Variants in PGS1 observed in about 807,000 individuals in gnomAD.
The protein encoded by PGS1 is CDP-diacylglycerol--glycerol-3-phosphate 3-phosphatidyltransferase, mitochondrial.
A neutral mutation model predicts 58.3 loss-of-function variants in PGS1; 44 were observed. The ratio of observed to expected loss-of-function variants is 0.75; its 90% CI spans 0.59 to 0.97. The LOEUF is 0.97. Ranked by LOEUF, PGS1 falls within the 50% of genes least tolerant of loss-of-function variation. The pLI is 0.00. For missense variants in PGS1, 684 were observed against 731.1 expected (o/e 0.94, Z 0.74); for synonymous variants, 330 against 311.0 (o/e 1.06, Z -0.64).
chr17:78,403,787 T>C lies in PGS1; in HGVS notation c.1100T>C (p.Ile367Thr), dbSNP rs771049500. Residue 367 changes from isoleucine (I) to threonine (T), a missense_variant, in exon 7 of 10, where the codon ATT (isoleucine) becomes ACT (threonine). By Grantham distance (89) the Ile-to-Thr change is moderately conservative. Coordinates refer to ENST00000262764, the MANE Select transcript of PGS1 (RefSeq NM_024419.5). ...MKPFEIQIDE[I>T]VTETLLTEAE... ...CCCTTCGAGATTCAAATCGATGAGATTGTCACTGAGACCCTGTTGACTGAG... is the reference window on the plus strand; with the variant it reads ...CCCTTCGAGATTCAAATCGATGAGACTGTCACTGAGACCCTGTTGACTGAG... 6.2e-7 allele frequency: 1 copy of C among 1,614,188 alleles called. No individual in the cohort carries two copies.
At chr17:78,379,784 G>C (rs1404421417) in intron 1 of PGS1, among the ~76,000 whole-genome samples, 1 of 150,132 alleles carries the variant, frequency 6.7e-6, no homozygotes, top group African/African-American at 2.4e-5. Flanking sequence ...AGCCAAGATT[G>C]CCTCATTGCA....
At position 78,403,565 on chromosome 17, in the gene PGS1, C is replaced by G. The variant is rs1292738709; in HGVS notation, c.881-3C>G. ...CTTCACTCTTCTTTCACGTCTTCCCCAGGGGACCGGGCCGAGTACTGCAAG... is the reference window on the plus strand; with the variant it reads ...CTTCACTCTTCTTTCACGTCTTCCCGAGGGGACCGGGCCGAGTACTGCAAG... On this transcript the variant is annotated splice_polypyrimidine_tract_variant and splice_region_variant and intron_variant, in intron 6 of 9. Transcript: ENST00000262764. 5 of 1,607,520 alleles carry G rather than the reference C, an allele frequency of 3.1e-6. No individual in the cohort carries two copies. The highest frequency in any genetic ancestry group is 4.3e-6 in the Non-Finnish European group (5 of 1,174,648).
intron 9 of PGS1, chr17:78,423,845 C>T (rs746767108): frequency 9.9e-5 from 158 of 1,592,896 alleles, no homozygotes; most frequent in Middle Eastern, 1.7e-4. Context: ...CACAGGTGCA[C>T]AGGTGAAGGG....
intron 7 of PGS1, among the ~76,000 whole-genome samples, chr17:78,404,359 G>A (rs560340342): frequency 1.1e-4 from 16 of 145,614 alleles, no homozygotes; most frequent in East Asian, 6.2e-4. Context: ...TCAGTTCACC[G>A]CAACCTCCAC....
chr17:78,379,195 C>T (rs1047571947), intron 1 of PGS1, among the ~76,000 whole-genome samples: 2 of 152,142 alleles, frequency 1.3e-5, no homozygotes, highest in Non-Finnish European at 2.9e-5. Flanking sequence ...TGGTTTCGGC[C>T]CCAGGATGTG....
At chr17:78,419,968 G>A (rs2085554297) in intron 9 of PGS1, 2 of 1,181,628 alleles carry the variant, frequency 1.7e-6, no homozygotes, top group South Asian at 1.7e-5. Context: ...CTTCCCAGGG[G>A]GTCCTGAAGA....
chr17:78,414,112 C>T (rs1161857651), intron 7 of PGS1, among the ~76,000 whole-genome samples: 1 of 152,234 alleles, frequency 6.6e-6, no homozygotes, highest in Non-Finnish European at 1.5e-5. Context: ...GGTCCCAGGC[C>T]TGGACCCCCT....
Position 78,402,587 on chromosome 17 carries a change from A to G in PGS1, c.881-981A>G, listed in dbSNP as rs1183207555. Reference sequence around the variant, plus strand: ...CTCAGCTGCCCGAGTAGCTGGGGTTACAGGCACACAACACCACACCTGGCT... The same window carrying G: ...CTCAGCTGCCCGAGTAGCTGGGGTTGCAGGCACACAACACCACACCTGGCT... On this transcript the variant is annotated intron_variant, in intron 6 of 9. Coordinates refer to ENST00000262764, the MANE Select transcript of PGS1 (RefSeq NM_024419.5). 2.0e-5 allele frequency among the ~76,000 whole-genome samples: 3 copies of G among 152,216 alleles called. No individual in the cohort carries two copies. The East Asian group carries it at 5.8e-4, about 29-fold the overall frequency.
At chr17:78,379,618 GAGTT>G (rs1483387319) in intron 1 of PGS1, among the ~76,000 whole-genome samples, 1 of 152,054 alleles carries the variant, frequency 6.6e-6, no homozygotes, top group African/African-American at 2.4e-5. Context: ...CTGAGGTCAG[GAGTT>G]TAAGACCAGC....
rs2083542490 is a variant in PGS1, at chr17:78,400,161, G to C, written c.702-516G>C. 1 of 177,822 alleles carries C rather than the reference G, an allele frequency of 5.6e-6. No homozygotes were observed. Among genetic ancestry groups the C allele is most frequent in the Admixed American group, 5.6e-5 (1 of 17,778 alleles). 11.0% of individuals were successfully genotyped at this position (177,822 alleles called of 1,614,324 possible). ...ACATTTTGGGAGGCTGAGGCAGAGGGATCACCTGACGTTAGAAGTTCAAGA... is the reference window on the plus strand; with the variant it reads ...ACATTTTGGGAGGCTGAGGCAGAGGCATCACCTGACGTTAGAAGTTCAAGA... On this transcript the variant is annotated intron_variant, in intron 5 of 9. Transcript: ENST00000262764. The surrounding 1 kb of genome is among the most constrained non-coding windows in gnomAD (Gnocchi z 4.4).
chr17:78,400,742 C>T lies in PGS1; in HGVS notation c.767C>T (p.Ala256Val), dbSNP rs370134635. ...CGCTACGTGTTCCTGCAGGACTGTGCGGAGATTGCCGACTTCTTCACGGAG... is the reference window on the plus strand; with the variant it reads ...CGCTACGTGTTCCTGCAGGACTGTGTGGAGATTGCCGACTTCTTCACGGAG... ...QDRYVFLQDCAEIADFFTELV... is the reference protein window; with the variant it reads ...QDRYVFLQDCVEIADFFTELV... The change falls in exon 6 of 10, where the codon GCG becomes GTG. Residue 256 changes from alanine to valine, a missense_variant. Physicochemically the swap from Ala to Val is moderately conservative, Grantham distance 64. Coordinates refer to ENST00000262764, the MANE Select transcript of PGS1 (RefSeq NM_024419.5). This position sits in a 1 kb window ranked among gnomAD's most constrained non-coding sequence, Gnocchi z 4.4. The T allele has an allele frequency of 9.3e-6, 15 of 1,613,840 alleles. No individual in the cohort carries two copies. Among genetic ancestry groups the T allele is most frequent in the Middle Eastern group, 1.6e-4 (1 of 6,082 alleles).
At chr17:78,401,589 C>A (rs2083667791) in intron 6 of PGS1, among the ~76,000 whole-genome samples, 1 of 152,094 alleles carries the variant, frequency 6.6e-6, no homozygotes, top group Admixed American at 6.6e-5. Context: ...GAAGTTGGAA[C>A]TTGTTGGGAG....
intron 8 of PGS1, among the ~76,000 whole-genome samples, chr17:78,418,304 G>A (rs1540773): frequency 0.77 from 116,576 of 152,022 alleles, 45,845 homozygotes; most frequent in East Asian, 0.97. Flanking sequence ...TAAGAAAAAC[G>A]GAAAGAAACT....
rs1216280418 is a variant in PGS1, at chr17:78,378,788, C to G, written c.123C>G (p.Asn41Lys). 6.8e-7 allele frequency: 1 copy of G among 1,479,248 alleles called. No homozygotes were observed. Among genetic ancestry groups the G allele is most frequent in the Non-Finnish European group, 8.9e-7 (1 of 1,122,358 alleles). 91.6% of individuals were successfully genotyped at this position (1,479,248 alleles called of 1,614,324 possible). A position where few individuals can be genotyped will look rare whatever the true frequency, so the allele number is the denominator to read the frequency against. Residue 41 changes from asparagine (N) to lysine (K), a missense_variant, in exon 1 of 10, where the codon AAC (asparagine) becomes AAG (lysine). Transcript: ENST00000262764. Reference sequence around the variant, plus strand: ...GCCTGTCCGACCGCCTCGGCAGGAACCGGGACCGCCAGCGCAGGAGGTGAG... The same window carrying G: ...GCCTGTCCGACCGCCTCGGCAGGAAGCGGGACCGCCAGCGCAGGAGGTGAG... ...LGRLSDRLGR[N>K]RDRQRRRSPW... is the part of the protein sequence containing the mutation.
At chr17:78,420,210 A>G (rs2085587013) in intron 9 of PGS1, 4 of 998,440 alleles carry the variant, frequency 4.0e-6, no homozygotes, top group Non-Finnish European at 4.8e-6. Context: ...TGCTGCGGTT[A>G]CAGAGCTGCG....
chr17:78,407,257 C>G (rs1441360925), intron 7 of PGS1, among the ~76,000 whole-genome samples: 1 of 152,170 alleles, frequency 6.6e-6, no homozygotes, highest in Non-Finnish European at 1.5e-5. Flanking sequence ...GGGCTTCACC[C>G]TAAAGCCAGG....
intron 9 of PGS1, among the ~76,000 whole-genome samples, chr17:78,422,955 G>C (rs920054732): frequency 1.3e-5 from 2 of 152,162 alleles, no homozygotes; most frequent in South Asian, 2.1e-4. Context: ...AATTAGCTGC[G>C]TGTGGTGGTG....
chr17:78,406,976 A>G (rs2084204339), intron 7 of PGS1, among the ~76,000 whole-genome samples: 1 of 152,248 alleles, frequency 6.6e-6, no homozygotes, highest in African/African-American at 2.4e-5. Context: ...CCGCTGAAAC[A>G]GAAACACCCA....
rs1375041366 is a variant in PGS1 at position 78,378,655 on chromosome 17, G to A, written c.-11G>A. 3.3e-6 allele frequency: 5 copies of A among 1,527,376 alleles called. No homozygotes were observed. Among genetic ancestry groups the A allele is most frequent in the Admixed American group, 2.0e-5 (1 of 49,122 alleles). The allele number at this position is 1,527,376 out of a possible 1,614,324, so 94.6% of individuals were successfully genotyped here. On this transcript the variant is annotated 5_prime_UTR_variant, in exon 1 of 10. Coordinates refer to ENST00000262764, the MANE Select transcript of PGS1 (RefSeq NM_024419.5). ...GCCCGCCGGGAGCGGAAGCGGAAGCGGCGAGTCTCCATGGCGGTGGCGGCG... is the reference window on the plus strand; with the variant it reads ...GCCCGCCGGGAGCGGAAGCGGAAGCAGCGAGTCTCCATGGCGGTGGCGGCG...
Sources: gnomAD v4.1 joint callset for allele counts (sites outside exome capture counted in the v4.1 genomes callset) on GRCh38, gnomAD v4.1.1 for gene constraint, Gnocchi (gnomAD v3.1) non-coding constraint, MANE v1.5 for transcripts, NCBI Gene and HGNC (gene_info 2026-07-23, HGNC 2026-07-21) for gene names.